The following ZNF710 variants were observed in gnomAD, a reference collection of about 807,000 sequenced individuals.
The protein encoded by ZNF710 is zinc finger protein 710.
Under a neutral mutation model 50.6 loss-of-function variants are expected in ZNF710, and 13 were observed. The observed-to-expected ratio is 0.26, with a 90% confidence interval of 0.17 to 0.41. ZNF710 has a LOEUF of 0.41. Ranked by LOEUF, ZNF710 falls within the 10% of genes least tolerant of loss-of-function variation. ZNF710 has a pLI of 1.00. For missense variants in ZNF710, 721 were observed against 936.6 expected, an observed-to-expected ratio of 0.77 and a Z score of 3.01; for synonymous variants, 383 against 397.0, an observed-to-expected ratio of 0.96 and a Z score of 0.42.
At chr15:90,030,736 G>A (rs1277851716) in intron 1 of ZNF710, among the ~76,000 whole-genome samples, 1 of 151,996 alleles carries the variant, frequency 6.6e-6, no homozygotes, top group Non-Finnish European at 1.5e-5. Context: ...AAAAAAATTG[G>A]CTGGGCGCGG....
chr15:90,073,270 G>C lies in ZNF710; in HGVS notation c.1650+8G>C, dbSNP rs960949703. ...AAGCCATTCAAATGCAAGGTACCCGGTCATCAGGCCCCGGGGCTGGGACCT... is the reference window on the plus strand; with the variant it reads ...AAGCCATTCAAATGCAAGGTACCCGCTCATCAGGCCCCGGGGCTGGGACCT... On this transcript the variant is annotated splice_region_variant and intron_variant, in intron 3 of 4. Transcript: ENST00000268154. 1.2e-6 allele frequency: 2 copies of C among 1,609,568 alleles called. No individual in the cohort carries two copies. The highest frequency in any genetic ancestry group is 3.3e-5 in the Admixed American group (2 of 59,978).
chr15:90,035,932 C>A (rs372843886), intron 1 of ZNF710, among the ~76,000 whole-genome samples: 2 of 152,348 alleles, frequency 1.3e-5, no homozygotes, highest in African/African-American at 4.8e-5. Context: ...GGCACCATTG[C>A]ATGCCCCCAA....
intron 1 of ZNF710, among the ~76,000 whole-genome samples, chr15:90,048,974 C>T (rs1231424039): frequency 6.6e-6 from 1 of 152,208 alleles, no homozygotes; most frequent in Admixed American, 6.5e-5. Flanking sequence ...TCCTTCCTTA[C>T]ACTTGATCTC....
intron 4 of ZNF710, among the ~76,000 whole-genome samples, chr15:90,077,271 T>C (rs1900614131): frequency 7.5e-6 from 1 of 133,128 alleles, no homozygotes; most frequent in Non-Finnish European, 1.6e-5. Flanking sequence ...TGAGACGGAG[T>C]CTTGCTCTTT....
rs1490207385 is a variant in ZNF710 at position 90,034,397 on chromosome 15, G to A, written c.-28-32713G>A. Among the ~76,000 whole-genome samples the A allele has an allele frequency of 1.3e-5, 2 of 150,982 alleles. No homozygotes were observed. Among genetic ancestry groups the A allele is most frequent in the Non-Finnish European group, 2.9e-5 (2 of 67,890 alleles). The stretch of plus-strand genomic sequence containing the variant: ...TGGATTGCATTGTGGGTCCCCAGAA[G>A]TTGCCAGCTGTCCTTCCTGTTTCCA... On this transcript the variant is annotated intron_variant, in intron 1 of 4. Coordinates refer to ENST00000268154, the MANE Select transcript of ZNF710 (RefSeq NM_198526.4). The surrounding 1 kb of genome is among the most constrained non-coding windows in gnomAD (Gnocchi z 4.0).
At position 90,068,626 on chromosome 15, in the gene ZNF710, C is replaced by T; in HGVS notation, c.1458+31C>T. The T allele has an allele frequency of 6.5e-7, 1 of 1,543,176 alleles. No homozygotes were observed. Among genetic ancestry groups the T allele is most frequent in the East Asian group, 2.3e-5 (1 of 44,228 alleles). On this transcript the variant is annotated intron_variant, in intron 2 of 4. Transcript: ENST00000268154. This position sits in a 1 kb window ranked among gnomAD's most constrained non-coding sequence, Gnocchi z 5.0. ...GCCGTTCCCAGGGCCTGGGCATCTG[C>T]CTGCCCCTCCTGCCACTTTTTCATC...
rs889460542 is a variant in ZNF710, at chr15:90,021,014, C to CCT, written c.-29+19401_-29+19402insTC. 1.3e-4 allele frequency among the ~76,000 whole-genome samples: 14 copies of CCT among 105,124 alleles called. 1 individual carries two copies. Among genetic ancestry groups the CCT allele is most frequent in the African/African-American group, 4.6e-4 (14 of 30,378 alleles). The allele number at this position is 105,124 out of a possible 152,430, so 69.0% of individuals were successfully genotyped here. ...CCTGTGAGAGAGGGTGTGGCACCCC[C>CCT]CCCCCCTTAGCAGCCTGGGGGACGT... On this transcript the variant is annotated intron_variant, in intron 1 of 4. Coordinates refer to ENST00000268154, the MANE Select transcript of ZNF710 (RefSeq NM_198526.4).
In ZNF710 at chr15:90,014,503, C is replaced by G. The variant is rs1204068895; in HGVS notation, c.-29+12889C>G. 2.1e-5 allele frequency among the ~76,000 whole-genome samples: 3 copies of G among 145,584 alleles called. No homozygotes were observed. In the East Asian group the frequency reaches 5.9e-4, roughly 29 times the overall value. ...TCCAGTCTGGGAAACATAGTGAGAC[C>G]CTATCTCTTAAAAAAAAAAAAAAAA... On this transcript the variant is annotated intron_variant, in intron 1 of 4. Transcript: ENST00000268154.
upstream of ZNF710, among the ~76,000 whole-genome samples, chr15:89,999,410 G>A (rs1452486723): frequency 6.6e-6 from 1 of 152,212 alleles, no homozygotes; most frequent in Non-Finnish European, 1.5e-5. Flanking sequence ...TCTAAGAGCT[G>A]CATTCTGCTT....
chr15:90,033,156 G>T (rs1351897096), intron 1 of ZNF710, among the ~76,000 whole-genome samples: 1 of 152,172 alleles, frequency 6.6e-6, no homozygotes, highest in Non-Finnish European at 1.5e-5. Context: ...TTTGACATTG[G>T]CAGGATGACA....
chr15:90,079,799 G>A lies in ZNF710; in HGVS notation c.1965G>A (p.Met655Ile). The change falls in exon 5 of 5, where the codon ATG becomes ATA. Residue 655 changes from methionine (M) to isoleucine (I), a missense_variant. Coordinates refer to ENST00000268154, the MANE Select transcript of ZNF710 (RefSeq NM_198526.4). The part of the protein sequence containing the change: ...AEASVLTEQA[M>I]KEMAYYNVL ...CCAGTGTCCTCACTGAACAGGCCAT[G>A]AAAGAGATGGCCTACTACAATGTGC... The A allele has an allele frequency of 3.7e-6, 6 of 1,608,758 alleles. No homozygotes were observed. Among genetic ancestry groups the A allele is most frequent in the Non-Finnish European group, 8.5e-7 (1 of 1,178,440 alleles).
At chr15:90,070,222 T>C (rs1029873066) in intron 2 of ZNF710, among the ~76,000 whole-genome samples, 1 of 152,202 alleles carries the variant, frequency 6.6e-6, no homozygotes, top group East Asian at 1.9e-4. Flanking sequence ...TAGCCAGGCA[T>C]GGTGCTGCAC....
chr15:90,050,384 C>T (rs761924211), intron 1 of ZNF710, among the ~76,000 whole-genome samples: 8 of 152,172 alleles, frequency 5.3e-5, no homozygotes, highest in Non-Finnish European at 8.8e-5. Context: ...CTACCTCCTG[C>T]GCTTCTGTCC....
At chr15:90,021,087 C>T (rs1407090912) in intron 1 of ZNF710, among the ~76,000 whole-genome samples, 1 of 104,808 alleles carries the variant, frequency 9.5e-6, no homozygotes, top group Non-Finnish European at 2.2e-5. Flanking sequence ...GCTATGGAGT[C>T]AAACGTTTCT....
chr15:90,002,934 C>T (rs551892530), intron 1 of ZNF710, among the ~76,000 whole-genome samples: 265 of 152,164 alleles, frequency 1.7e-3, no homozygotes, highest in African/African-American at 6.1e-3. Flanking sequence ...AGTGCAGTGG[C>T]GCGATCTCGG....
At chr15:90,050,711 T>C (rs1899612935) in intron 1 of ZNF710, among the ~76,000 whole-genome samples, 1 of 151,994 alleles carries the variant, frequency 6.6e-6, no homozygotes, top group Non-Finnish European at 1.5e-5. Context: ...TGCCCTGAGT[T>C]TATTGCCTCC....
chr15:90,068,702 T>C lies in ZNF710; in HGVS notation c.1458+107T>C. Reference sequence around the variant, plus strand: ...GACCATTTAGGTGGTCTCCTAGTTTTATCGTTACGTACTTATTTTGATGAG... The same window carrying C: ...GACCATTTAGGTGGTCTCCTAGTTTCATCGTTACGTACTTATTTTGATGAG... On this transcript the variant is annotated intron_variant, in intron 2 of 4. Transcript: ENST00000268154. This position sits in a 1 kb window ranked among gnomAD's most constrained non-coding sequence, Gnocchi z 5.0. The C allele has an allele frequency of 8.1e-7, 1 of 1,229,302 alleles. No homozygotes were observed. 76.1% of individuals were successfully genotyped at this position (1,229,302 alleles called of 1,614,324 possible).
chr15:90,016,888 G>A (rs1408806653), intron 1 of ZNF710, among the ~76,000 whole-genome samples: 2 of 152,208 alleles, frequency 1.3e-5, no homozygotes, highest in South Asian at 2.1e-4. Flanking sequence ...GTAAAGGCAA[G>A]CCCAGAGCCC....
Position 90,080,027 on chromosome 15 carries a change from G to T in ZNF710, c.*198G>T. On this transcript the variant is annotated 3_prime_UTR_variant, in exon 5 of 5. Transcript: ENST00000268154. ...TACTACTGGCCCCGGCTGTGAGCCA[G>T]CACAGGCCCAGGCATCCCAGCAAGG... 1 of 505,834 alleles carries T rather than the reference G, an allele frequency of 2.0e-6. No individual in the cohort carries two copies. The highest frequency in any genetic ancestry group is 3.3e-6 in the Non-Finnish European group (1 of 299,038). The allele number at this position is 505,834 out of a possible 1,614,324, so 31.3% of individuals were successfully genotyped here.
Sources: allele counts gnomAD v4.1 joint callset (sites outside exome capture counted in the v4.1 genomes callset), GRCh38; gene constraint gnomAD v4.1.1; non-coding constraint Gnocchi (gnomAD v3.1); transcripts MANE v1.5; gene names NCBI Gene and HGNC (gene_info 2026-07-23, HGNC 2026-07-21).